NRBP1: variants seen among roughly 807,000 people sequenced by gnomAD.
NRBP1 encodes nuclear receptor-binding protein.
NRBP1 carries 10 observed loss-of-function variants against 76.0 expected under a neutral mutation model. The observed-to-expected ratio is 0.13, with a 90% CI of 0.08 to 0.22. The LOEUF is 0.22. Among genes scored for constraint, NRBP1 ranks in the 10% least tolerant of loss-of-function variants. The pLI, the probability that NRBP1 is intolerant of heterozygous loss-of-function variation, is 1.00. For missense variants in NRBP1, 344 were observed against 646.0 expected (o/e 0.53, Z 5.07); for synonymous variants, 235 against 240.2 (o/e 0.98, Z 0.20).
In NRBP1 at chr2:27,428,671, TC is replaced by T; in HGVS notation, c.-79del. 2.5e-6 allele frequency: 1 copy of T among 397,928 alleles called. No homozygotes were observed. Among genetic ancestry groups the T allele is most frequent in the Non-Finnish European group, 4.4e-6 (1 of 225,636 alleles). 24.6% of individuals were successfully genotyped at this position (397,928 alleles called of 1,614,324 possible). ...CGCAGCTGTGAGGGAGTCGCTGTGA[TC>T]CGGGGCCCCGGAACCCGAGCTGGAG... On this transcript the variant is annotated 5_prime_UTR_variant, in exon 1 of 18. Transcript: ENST00000379852.
At chr2:27,433,136 C>T in intron 1 of NRBP1, 118 bp from the exon 2 acceptor site, 1 of 661,814 alleles carries the variant, frequency 1.5e-6, no homozygotes, top group East Asian at 2.9e-5. Context: ...ACCTCAGCCT[C>T]CCAAAGTGCT....
intron 3 of NRBP1, 82 bp from the exon 4 acceptor site, chr2:27,433,890 TTGGGGTTAGATCGTTTC>T: frequency 6.2e-7 from 1 of 1,604,400 alleles, no homozygotes; most frequent in Non-Finnish European, 8.5e-7. Context: ...GGAGAGTATG[TTGGGGTTAGATCGTTTC>T]TGGGGAGGGA....
At chr2:27,430,479 T>A (rs10189365) in intron 1 of NRBP1, among the ~76,000 whole-genome samples, 1 of 50,438 alleles carries the variant, frequency 2.0e-5, no homozygotes, top group Non-Finnish European at 3.8e-5. Context: ...CTTTTTTTTT[T>A]TTTTTTTGAG....
At chr2:27,437,229 G>A in intron 9 of NRBP1, 33 bp from the exon 10 acceptor site, 3 of 1,591,948 alleles carry the variant, frequency 1.9e-6, no homozygotes, top group Non-Finnish European at 2.6e-6. Flanking sequence ...GTTCTTAGGT[G>A]TCTACTTTTT....
chr2:27,428,470 G>C, upstream of NRBP1: 1 of 393,184 alleles, frequency 2.5e-6, no homozygotes, highest in Non-Finnish European at 4.5e-6. Context: ...AGAGGTCTCG[G>C]CCGGACCGGC....
At chr2:27,430,619 G>A (rs529851537) in intron 1 of NRBP1, among the ~76,000 whole-genome samples, 4 of 151,976 alleles carry the variant, frequency 2.6e-5, no homozygotes, top group African/African-American at 4.8e-5. Context: ...ATAGACGTGC[G>A]CCACCACACC....
chr2:27,436,913 A>G, intron 8 of NRBP1, 77 bp downstream of exon 8: 2 of 1,479,460 alleles, frequency 1.4e-6, no homozygotes, highest in East Asian at 2.3e-5. Context: ...CAGAGGCAAT[A>G]TAACTGAAAC....
In NRBP1 at chr2:27,428,689, G is replaced by C. The variant is rs1029264552; in HGVS notation, c.-63G>C. On this transcript the variant is annotated 5_prime_UTR_variant, in exon 1 of 18. Coordinates refer to ENST00000379852, the MANE Select transcript of NRBP1 (RefSeq NM_013392.4). ...GCTGTGATCCGGGGCCCCGGAACCCGAGCTGGAGCTGAAGCGCAGGCTGCG... is the reference window on the plus strand; with the variant it reads ...GCTGTGATCCGGGGCCCCGGAACCCCAGCTGGAGCTGAAGCGCAGGCTGCG... 5.0e-6 allele frequency: 2 copies of C among 397,674 alleles called. No homozygotes were observed. Among genetic ancestry groups the C allele is most frequent in the Non-Finnish European group, 8.9e-6 (2 of 225,506 alleles). 24.6% of individuals were successfully genotyped at this position (397,674 alleles called of 1,614,324 possible).
At chr2:27,437,478 A>G in intron 10 of NRBP1, 118 bp downstream of exon 10, 3 of 731,618 alleles carry the variant, frequency 4.1e-6, no homozygotes, top group Non-Finnish European at 7.0e-6. Context: ...CAGAAAGGAC[A>G]CGAAAAATCT....
chr2:27,430,250 CTT>C (rs769304579), intron 1 of NRBP1, among the ~76,000 whole-genome samples: 32 of 152,212 alleles, frequency 2.1e-4, no homozygotes, highest in Non-Finnish European at 3.4e-4. Flanking sequence ...GCCTATTGCT[CTT>C]TGGTATTTAC....
At position 27,433,681 on chromosome 2, in the gene NRBP1, A is replaced by G. The variant is rs1449504942; in HGVS notation, c.219A>G (p.Gln73=). 1.9e-6 allele frequency: 3 copies of G among 1,614,010 alleles called. No individual in the cohort carries two copies. Among genetic ancestry groups the G allele is most frequent in the Non-Finnish European group, 2.5e-6 (3 of 1,180,010 alleles). The change falls in exon 3 of 18, where the codon CAA becomes CAG. Residue 73 remains glutamine (Q), a synonymous_variant. Transcript: ENST00000379852. ...TATGAATTTCTTCTCAGGTGAATCA[A>G]CGGAATGTACCAGGTATTGACAGTG... ...RWQKRREEVN[Q]RNVPGIDSAY... is the part of the protein sequence containing the mutation.
intron 1 of NRBP1, among the ~76,000 whole-genome samples, chr2:27,431,056 T>A (rs1407679681): frequency 1.3e-5 from 2 of 152,054 alleles, no homozygotes; most frequent in Non-Finnish European, 2.9e-5. Context: ...ATCCCAGCAC[T>A]TTGGGAGGCT....
chr2:27,434,971 C>A (rs1664250070), intron 6 of NRBP1, 162 bp from the exon 7 acceptor site: 3 of 659,798 alleles, frequency 4.5e-6, no homozygotes, highest in Non-Finnish European at 8.1e-6. Context: ...TCTCCTAGTG[C>A]TTATCCAGCT....
At chr2:27,428,852 C>A (rs992987097) in intron 1 of NRBP1, 121 bp downstream of exon 1, 1 of 397,662 alleles carries the variant, frequency 2.5e-6, no homozygotes, top group Non-Finnish European at 4.4e-6. Flanking sequence ...GCCCTGCTCA[C>A]TCAGTAGCCC....
chr2:27,440,439 A>G lies in NRBP1; in HGVS notation c.1073A>G (p.Lys358Arg). The change falls in exon 12 of 18, where the codon AAA (lysine) becomes AGA (arginine). Residue 358 changes from lysine (K) to arginine (R), a missense_variant. Lys to Arg is a conservative substitution (Grantham distance 26). This residue lies in a region of NRBP1 where 218 missense variants were observed against 309.8 expected (regional missense o/e 0.70). Coordinates refer to ENST00000379852, the MANE Select transcript of NRBP1 (RefSeq NM_013392.4). ...IPENALEEIT[K>R]NMDTSAVLAE... ...GAGAACGCTCTAGAGGAGATCACCA[A>G]AAACATGGATACTAGTGCCGTACTG... 6.2e-7 allele frequency: 1 copy of G among 1,614,088 alleles called. No individual in the cohort carries two copies. The highest frequency in any genetic ancestry group is 1.1e-5 in the South Asian group (1 of 91,078).
At chr2:27,436,925 T>C in intron 8 of NRBP1, 89 bp downstream of exon 8, 1 of 1,456,572 alleles carries the variant, frequency 6.9e-7, no homozygotes, top group Non-Finnish European at 9.5e-7. Flanking sequence ...AACTGAAACT[T>C]CTAGGCCTTC....
chr2:27,433,888 T>C (rs966130720), intron 3 of NRBP1, 93 bp downstream of exon 3: 11 of 1,604,786 alleles, frequency 6.9e-6, no homozygotes, highest in East Asian at 2.2e-5. Flanking sequence ...GAGGAGAGTA[T>C]GTTGGGGTTA....
rs1572697455 is a variant in NRBP1 at position 27,441,408 on chromosome 2, G to A, written c.1447+78G>A. The A allele has an allele frequency of 2.0e-6, 3 of 1,468,746 alleles. No homozygotes were observed. In the East Asian group the frequency reaches 6.8e-5, roughly 33 times the overall value. 91.0% of individuals were successfully genotyped at this position (1,468,746 alleles called of 1,614,324 possible). On this transcript the variant is annotated intron_variant, in intron 16 of 17. Coordinates refer to ENST00000379852, the MANE Select transcript of NRBP1 (RefSeq NM_013392.4). Reference sequence around the variant, plus strand: ...AGGGACATATTCAGGGGTGGGGGAGGTGACAAGGCAGTAACACATTGACTC... The same window carrying A: ...AGGGACATATTCAGGGGTGGGGGAGATGACAAGGCAGTAACACATTGACTC...
At chr2:27,430,021 A>G (rs911992487) in intron 1 of NRBP1, among the ~76,000 whole-genome samples, 1 of 152,210 alleles carries the variant, frequency 6.6e-6, no homozygotes, top group Non-Finnish European at 1.5e-5. Context: ...AAGGAACATG[A>G]TCTCTAACAG....
Sources: allele counts gnomAD v4.1 joint callset (sites outside exome capture counted in the v4.1 genomes callset), GRCh38; gene constraint gnomAD v4.1.1; regional missense constraint gnomAD v4.1.1; transcripts MANE v1.5; gene names NCBI Gene and HGNC (gene_info 2026-07-23, HGNC 2026-07-21).